Variants in PAFAH1B1 observed in about 807,000 individuals in gnomAD.
The protein encoded by PAFAH1B1 is platelet activating factor acetylhydrolase 1b regulatory subunit 1.
Under a neutral mutation model 57.5 loss-of-function variants are expected in PAFAH1B1, and 2 were observed. The ratio of observed to expected loss-of-function variants is 0.03; its 90% confidence interval spans 0.01 to 0.11. The LOEUF (loss-of-function observed/expected upper bound fraction) is 0.11, where lower values mean the gene tolerates loss of function less well. Among genes scored for constraint, PAFAH1B1 ranks in the 10% least tolerant of loss-of-function variants. The pLI is 1.00. For synonymous variants in PAFAH1B1, 152 were observed against 169.6 expected, an observed-to-expected ratio of 0.90 and a Z score of 0.81; for missense variants, 257 against 512.0, an observed-to-expected ratio of 0.50 and a Z score of 4.81.
chr17:2,618,398 A>T (rs2068375089), intron 1 of PAFAH1B1, among the ~76,000 whole-genome samples: 2 of 152,166 alleles, frequency 1.3e-5, no homozygotes, highest in South Asian at 4.1e-4. Flanking sequence ...TTTAATCAGA[A>T]AACAATTTTA....
chr17:2,657,173 C>T (rs1354527266), intron 2 of PAFAH1B1, among the ~76,000 whole-genome samples: 1 of 152,090 alleles, frequency 6.6e-6, no homozygotes, highest in Non-Finnish European at 1.5e-5. Context: ...TTCTTTTTTC[C>T]TGATGTTAAT....
chr17:2,666,097 A>G lies in PAFAH1B1; in HGVS notation c.192+7A>G, dbSNP rs2069103829. On this transcript the variant is annotated splice_region_variant and intron_variant, in intron 4 of 10. Transcript: ENST00000397195. ...TATTAGATTACAAAAGAAGGTAACTAAGTCTTTTTTCTTTAAAATTAGTTG... is the reference window on the plus strand; with the variant it reads ...TATTAGATTACAAAAGAAGGTAACTGAGTCTTTTTTCTTTAAAATTAGTTG... The G allele has an allele frequency of 1.3e-6, 2 of 1,491,758 alleles. No individual in the cohort carries two copies. The highest frequency in any genetic ancestry group is 3.7e-5 in the Admixed American group (2 of 54,476). 92.4% of individuals were successfully genotyped at this position (1,491,758 alleles called of 1,614,324 possible). A position where few individuals can be genotyped will look rare whatever the true frequency, so the allele number is the denominator to read the frequency against.
intron 2 of PAFAH1B1, among the ~76,000 whole-genome samples, chr17:2,658,510 C>T (rs2068968535): frequency 6.6e-6 from 1 of 152,084 alleles, no homozygotes; most frequent in East Asian, 1.9e-4. Context: ...ACTGGTAGAT[C>T]ATTTTTGGCT....
At chr17:2,602,806 C>T (rs1365329358) in intron 1 of PAFAH1B1, among the ~76,000 whole-genome samples, 7 of 152,180 alleles carry the variant, frequency 4.6e-5, no homozygotes, top group African/African-American at 9.7e-5. Context: ...TACAAGTATT[C>T]GTTTACTCCT....
At chr17:2,655,450 G>A (rs545272778) in intron 2 of PAFAH1B1, among the ~76,000 whole-genome samples, 120 of 152,140 alleles carry the variant, frequency 7.9e-4, no homozygotes, top group Non-Finnish European at 1.5e-3. Flanking sequence ...GAAGCAGGTG[G>A]ATCACCTGAA....
At chr17:2,630,534 T>C (rs1233708786) in intron 1 of PAFAH1B1, among the ~76,000 whole-genome samples, 1 of 152,220 alleles carries the variant, frequency 6.6e-6, no homozygotes, top group Non-Finnish European at 1.5e-5. Context: ...GTCTCACAGC[T>C]CTTAAGATTC....
chr17:2,617,961 C>G (rs1403642116), intron 1 of PAFAH1B1, among the ~76,000 whole-genome samples: 2 of 143,258 alleles, frequency 1.4e-5, no homozygotes, highest in African/African-American at 5.2e-5. Flanking sequence ...TAAAAACTTG[C>G]ATTTAGGCCG....
chr17:2,684,868 C>G lies in PAFAH1B1; in HGVS notation c.*3066C>G, dbSNP rs970449219. ...GCTGCCAGTGCCCTGCTCTCCCGTT[C>G]GCCTCTTTCTGTTTCTGTGTGAACT... is the stretch of plus-strand genomic sequence containing the variant. On this transcript the variant is annotated 3_prime_UTR_variant, in exon 11 of 11. Transcript: ENST00000397195. The G allele has an allele frequency of 6.6e-6, 1 of 152,470 alleles. No homozygotes were observed. Among genetic ancestry groups the G allele is most frequent in the Non-Finnish European group, 1.5e-5 (1 of 68,038 alleles). The allele number at this position is 152,470 out of a possible 1,614,324, so 9.4% of individuals were successfully genotyped here.
intron 1 of PAFAH1B1, among the ~76,000 whole-genome samples, chr17:2,636,985 T>C (rs1223183208): frequency 1.3e-5 from 2 of 152,012 alleles, no homozygotes; most frequent in Admixed American, 6.6e-5. Context: ...CCTCCCAAAG[T>C]ACTAGGATTA....
rs190424719 is a variant in PAFAH1B1 at position 2,597,184 on chromosome 17, C to T, written c.-191+3178C>T. 2.7e-3 allele frequency among the ~76,000 whole-genome samples: 417 copies of T among 152,204 alleles called. 9 individuals are homozygous for T. Among genetic ancestry groups the T allele is most frequent in the Non-Finnish European group, 7.1e-4 (48 of 68,016 alleles). The stretch of plus-strand genomic sequence containing the variant: ...CAAGTGTATGTAGTGTTTCTTGATA[C>T]ATGTTGGAGAATCTTAGGCTTAATT... On this transcript the variant is annotated intron_variant, in intron 1 of 10. Transcript: ENST00000397195.
At chr17:2,662,312 T>C (rs932275916) in intron 2 of PAFAH1B1, among the ~76,000 whole-genome samples, 1 of 152,064 alleles carries the variant, frequency 6.6e-6, no homozygotes, top group African/African-American at 2.4e-5. Context: ...AAGTCCTTCA[T>C]CTCAGTTTTG....
At chr17:2,644,660 T>C (rs976232173) in intron 2 of PAFAH1B1, among the ~76,000 whole-genome samples, 6 of 152,220 alleles carry the variant, frequency 3.9e-5, no homozygotes, top group African/African-American at 1.2e-4. Context: ...TTCAATATTT[T>C]GTAACTCCAA....
intron 2 of PAFAH1B1, among the ~76,000 whole-genome samples, chr17:2,652,325 G>C (rs1177027072): frequency 1.3e-5 from 2 of 152,202 alleles, no homozygotes; most frequent in South Asian, 2.1e-4. Context: ...TGAGGCAGGA[G>C]AATGGCGTGA....
At chr17:2,623,061 C>T (rs1473259930) in intron 1 of PAFAH1B1, among the ~76,000 whole-genome samples, 16 of 152,258 alleles carry the variant, frequency 1.1e-4, no homozygotes, top group Admixed American at 9.2e-4. Flanking sequence ...AGCATGGGGA[C>T]CCTGGGCCCA....
chr17:2,621,949 TATTAC>T (rs144149327), intron 1 of PAFAH1B1, among the ~76,000 whole-genome samples: 2,329 of 152,264 alleles, frequency 0.015, 50 homozygotes, highest in African/African-American at 0.053. Flanking sequence ...GAAAGGCACC[TATTAC>T]ATTGTGGTGG....
intron 2 of PAFAH1B1, among the ~76,000 whole-genome samples, chr17:2,658,310 G>A (rs1425850480): frequency 6.6e-6 from 1 of 152,112 alleles, no homozygotes; most frequent in Admixed American, 6.6e-5. Flanking sequence ...TTCTTAACAG[G>A]TTAAAAGGGT....
intron 1 of PAFAH1B1, among the ~76,000 whole-genome samples, chr17:2,626,571 C>CT (rs2068495574): frequency 1.3e-5 from 1 of 78,610 alleles, no homozygotes; most frequent in Non-Finnish European, 3.0e-5. Flanking sequence ...CCCCCCCCCC[C>CT]GAGGCGGAGT....
rs182068035 is a variant in PAFAH1B1 at position 2,643,464 on chromosome 17, A to C, written c.32+5144A>C. ...TAGTTTTTGTAGAGATGGTCTCACT[A>C]TGTTGCCCAGGCTGCCTCTGGGCTC... On this transcript the variant is annotated intron_variant, in intron 2 of 10. Transcript: ENST00000397195. 2.1e-3 allele frequency among the ~76,000 whole-genome samples: 311 copies of C among 151,652 alleles called. 2 individuals are homozygous for C. Among genetic ancestry groups the C allele is most frequent in the Non-Finnish European group, 3.0e-3 (205 of 67,940 alleles).
intron 1 of PAFAH1B1, among the ~76,000 whole-genome samples, chr17:2,629,960 A>G (rs1228740618): frequency 6.6e-6 from 1 of 151,976 alleles, no homozygotes; most frequent in African/African-American, 2.4e-5. Flanking sequence ...CCTTTACTTT[A>G]AATTTATGTG....
Sources: allele counts gnomAD v4.1 joint callset (sites outside exome capture counted in the v4.1 genomes callset), GRCh38; gene constraint gnomAD v4.1.1; transcripts MANE v1.5; gene names NCBI Gene and HGNC (gene_info 2026-07-23, HGNC 2026-07-21).